HNF4A: variants seen among roughly 807,000 people sequenced by gnomAD.
HNF4A encodes the protein hepatocyte nuclear factor 4-alpha.
A neutral mutation model predicts 52.4 loss-of-function variants in HNF4A; 15 were observed. The ratio of observed to expected loss-of-function variants is 0.29; its 90% CI spans 0.19 to 0.44. The LOEUF (loss-of-function observed/expected upper bound fraction) is 0.44. HNF4A is among the 20% of genes least tolerant of loss of function. The pLI is 1.00. For missense variants in HNF4A, 479 were observed against 647.2 expected, an observed-to-expected ratio of 0.74 and a Z score of 2.82; for synonymous variants, 280 against 264.4, an observed-to-expected ratio of 1.06 and a Z score of -0.57.
intron 1 of HNF4A, among the ~76,000 whole-genome samples, chr20:44,366,484 G>A (rs558564115): frequency 1.3e-5 from 2 of 152,228 alleles, no homozygotes; most frequent in Non-Finnish European, 2.9e-5. Flanking sequence ...AGCTGGGCAT[G>A]GTGGCACGCA....
upstream of HNF4A, among the ~76,000 whole-genome samples, chr20:44,397,924 G>T (rs1208478908): frequency 6.6e-6 from 1 of 152,146 alleles, no homozygotes; most frequent in Non-Finnish European, 1.5e-5. Context: ...CCTGTGCCTG[G>T]CCTGAAACTT....
rs2063496649 is a variant in HNF4A, at chr20:44,406,126, A to G, written c.184A>G (p.Ile62Val). Residue 62 changes from isoleucine to valine, a missense_variant, in exon 2 of 10, where the codon ATC (isoleucine) becomes GTC (valine). Physicochemically the swap from Ile to Val is conservative, Grantham distance 29. Around this residue, in one of 3 missense-constraint regions of HNF4A, gnomAD observed 90 missense variants for 105.5 expected, o/e 0.85. Transcript: ENST00000316099. The stretch of plus-strand genomic sequence containing the variant: ...CCTGGGTGTCAGCGCCCTGTGTGCC[A>G]TCTGCGGGGACCGGGCCACGGGCAA... 2 of 1,613,824 alleles carry G rather than the reference A, an allele frequency of 1.2e-6. No homozygotes were observed. The highest frequency in any genetic ancestry group is 1.7e-4 in the Middle Eastern group (1 of 5,828).
intron 3 of HNF4A, among the ~76,000 whole-genome samples, chr20:44,411,222 G>A (rs1456226098): frequency 1.3e-5 from 2 of 152,046 alleles, no homozygotes; most frequent in East Asian, 1.9e-4. Context: ...GGAAGCCCCT[G>A]CCCTGCTCCC....
chr20:44,361,079 T>C (rs1182546044), intron 1 of HNF4A, among the ~76,000 whole-genome samples: 2 of 152,130 alleles, frequency 1.3e-5, no homozygotes, highest in Non-Finnish European at 2.9e-5. Flanking sequence ...ATTCTTAAAA[T>C]ATGGCCCCTC....
At chr20:44,376,747 C>G (rs991256700) in intron 1 of HNF4A, among the ~76,000 whole-genome samples, 2 of 152,092 alleles carry the variant, frequency 1.3e-5, no homozygotes, top group Non-Finnish European at 2.9e-5. Context: ...ACAGTTCTAC[C>G]ATACGTGGCT....
At chr20:44,418,012 C>A in intron 5 of HNF4A, among the ~76,000 whole-genome samples, 1 of 151,862 alleles carries the variant, frequency 6.6e-6, no homozygotes, top group Non-Finnish European at 1.5e-5. Flanking sequence ...ACAAAGCACC[C>A]TTCATAATTC....
At chr20:44,406,018 T>C (rs755618971) in intron 1 of HNF4A, 40 bp from the exon 2 acceptor site, 5 of 1,593,868 alleles carry the variant, frequency 3.1e-6, no homozygotes, top group South Asian at 2.2e-5. Flanking sequence ...CCTGACATTC[T>C]GTTCTTCCTG....
intron 1 of HNF4A, among the ~76,000 whole-genome samples, chr20:44,374,604 C>G (rs896871226): frequency 1.3e-5 from 2 of 152,174 alleles, no homozygotes; most frequent in Non-Finnish European, 2.9e-5. Context: ...GCTGGGATTA[C>G]AGGCATGTGC....
intron 1 of HNF4A, among the ~76,000 whole-genome samples, chr20:44,403,585 G>A (rs1040736082): frequency 2.0e-5 from 3 of 152,096 alleles, no homozygotes; most frequent in Non-Finnish European, 4.4e-5. Context: ...TGTCTGAAAG[G>A]CTCCAAGGAT....
chr20:44,389,788 G>C (rs1265263201), intron 1 of HNF4A: 1 of 152,538 alleles, frequency 6.6e-6, no homozygotes. Context: ...TGGGGGCTAT[G>C]GGGGGACAGA....
At chr20:44,427,358 T>C (rs1335272832) in intron 8 of HNF4A, among the ~76,000 whole-genome samples, 2 of 152,252 alleles carry the variant, frequency 1.3e-5, no homozygotes, top group Admixed American at 6.5e-5. Flanking sequence ...ATCTGTAGAA[T>C]GGGCTAATAA....
chr20:44,409,128 CG>C (rs1243736039), intron 3 of HNF4A, among the ~76,000 whole-genome samples: 1 of 152,118 alleles, frequency 6.6e-6, no homozygotes, highest in Non-Finnish European at 1.5e-5. Flanking sequence ...TTGCTGATCC[CG>C]ATGCAGGAGT....
chr20:44,356,498 C>T lies in HNF4A; in HGVS notation c.49+645C>T, dbSNP rs999779513. Among the ~76,000 whole-genome samples the T allele has an allele frequency of 1.2e-4, 18 of 152,080 alleles. No homozygotes were observed. The South Asian group carries it at 3.5e-3, about 30-fold the overall frequency. On this transcript the variant is annotated intron_variant, in intron 1 of 9. Transcript: ENST00000316673. The stretch of plus-strand genomic sequence containing the variant: ...CCAATGTCCCTCAGCAGAGGGAAGA[C>T]GGGTAAATAAAGCGTGAGACGTCTT...
chr20:44,357,094 A>T (rs1354881816), intron 1 of HNF4A, among the ~76,000 whole-genome samples: 1 of 152,158 alleles, frequency 6.6e-6, no homozygotes, highest in African/African-American at 2.4e-5. Flanking sequence ...GAATGACAGA[A>T]TCAGGGCCTG....
intron 1 of HNF4A, among the ~76,000 whole-genome samples, chr20:44,362,574 G>T (rs1336421165): frequency 6.6e-6 from 1 of 152,118 alleles, no homozygotes; most frequent in African/African-American, 2.4e-5. Flanking sequence ...TAATGGGCAA[G>T]ATGTTGGCTA....
intron 1 of HNF4A, 84 bp downstream of exon 1, chr20:44,355,937 T>A: frequency 8.2e-7 from 1 of 1,223,860 alleles, no homozygotes; most frequent in South Asian, 1.4e-5. Context: ...GTGTGTTTCT[T>A]ACGGGCCCAA....
intron 8 of HNF4A, among the ~76,000 whole-genome samples, chr20:44,426,793 C>T (rs1466363857): frequency 6.6e-6 from 1 of 152,032 alleles, no homozygotes; most frequent in African/African-American, 2.4e-5. Context: ...GGCGACAGAA[C>T]AAGGCTCTGT....
chr20:44,416,271 A>G (rs2063663559), intron 5 of HNF4A, among the ~76,000 whole-genome samples: 1 of 152,244 alleles, frequency 6.6e-6, no homozygotes, highest in African/African-American at 2.4e-5. Flanking sequence ...AGTCGGGGGC[A>G]TTGTCCTCCA....
At position 44,358,682 on chromosome 20, in the gene HNF4A, T is replaced by A. The variant is rs2062886158; in HGVS notation, c.49+2829T>A. On this transcript the variant is annotated intron_variant, in intron 1 of 9. Transcript: ENST00000316673. ...TTCTTCTGGGGTTCTCTAATGGGGA[T>A]AACATTAATCATCTCCTAAGATGAC... is the stretch of plus-strand genomic sequence containing the variant. Among the ~76,000 whole-genome samples, 4 of 152,252 alleles carry A rather than the reference T, an allele frequency of 2.6e-5. No homozygotes were observed. In the South Asian group the frequency reaches 8.3e-4, roughly 32 times the overall value.
Sources: allele counts gnomAD v4.1 joint callset (sites outside exome capture counted in the v4.1 genomes callset), GRCh38; gene constraint gnomAD v4.1.1; regional missense constraint gnomAD v4.1.1; transcripts MANE v1.5; gene names NCBI Gene and HGNC (gene_info 2026-07-23, HGNC 2026-07-21).